CCND3: variants seen among roughly 807,000 people sequenced by gnomAD.
The protein encoded by CCND3 is cyclin D3, also known as G1/S-specific cyclin-D3.
A neutral mutation model predicts 28.7 loss-of-function variants in CCND3; 9 were observed. The observed-to-expected ratio is 0.31, with a 90% CI of 0.19 to 0.55. CCND3 has a LOEUF of 0.55. CCND3 is among the 20% of genes least tolerant of loss of function. The pLI is 0.93. For synonymous variants in CCND3, 164 were observed against 163.9 expected, an observed-to-expected ratio of 1.00 and a Z score of 0.00; for missense variants, 315 against 385.8, an observed-to-expected ratio of 0.82 and a Z score of 1.54.
intron 1 of CCND3, among the ~76,000 whole-genome samples, chr6:41,994,490 A>G (rs1762739185): frequency 6.6e-6 from 1 of 152,186 alleles, no homozygotes; most frequent in East Asian, 1.9e-4. Flanking sequence ...AAACAAACAG[A>G]GCACAGAGGA....
intron 1 of CCND3, among the ~76,000 whole-genome samples, chr6:42,046,751 G>C (rs771279596): frequency 1.3e-5 from 2 of 152,114 alleles, no homozygotes; most frequent in African/African-American, 4.8e-5. Flanking sequence ...AACAGTACCA[G>C]CCCTATGGCT....
chr6:42,021,015 G>C (rs907150015), intron 1 of CCND3, among the ~76,000 whole-genome samples: 1 of 152,178 alleles, frequency 6.6e-6, no homozygotes, highest in Non-Finnish European at 1.5e-5. Context: ...GCTTCCCAAA[G>C]TGCTGGGATT....
At chr6:42,040,266 A>C (rs1764331229) in intron 1 of CCND3, among the ~76,000 whole-genome samples, 1 of 151,998 alleles carries the variant, frequency 6.6e-6, no homozygotes, top group South Asian at 2.1e-4. Flanking sequence ...AAAAATACAA[A>C]AATTAGCTGG....
At chr6:42,007,992 G>GC (rs1369769037) in intron 1 of CCND3, among the ~76,000 whole-genome samples, 1 of 152,092 alleles carries the variant, frequency 6.6e-6, no homozygotes. Flanking sequence ...TGGCGGGGGA[G>GC]CTGGGGGCTG....
intron 1 of CCND3, among the ~76,000 whole-genome samples, chr6:41,983,946 C>A (rs1309501643): frequency 1.3e-5 from 2 of 152,124 alleles, no homozygotes; most frequent in Non-Finnish European, 2.9e-5. Flanking sequence ...ACCAACATTC[C>A]CCATTCTCCC....
chr6:42,013,245 T>C (rs1218973040), intron 1 of CCND3, among the ~76,000 whole-genome samples: 1 of 152,154 alleles, frequency 6.6e-6, no homozygotes, highest in Non-Finnish European at 1.5e-5. Flanking sequence ...TAAGGTAGAG[T>C]TGGGCTTTTT....
rs1775815039 is a variant in CCND3 at position 41,936,778 on chromosome 6, G to A, written c.575-83C>T. ...ATGGACTTCCGACTCCTTGGAAAGT[G>A]CCAGGCAGCATGAGTAGAGCAGAGG... On this transcript the variant is annotated intron_variant, in intron 3 of 4. Transcript: ENST00000372991. The surrounding 1 kb of genome is among the most constrained non-coding windows in gnomAD (Gnocchi z 4.4). 2 of 1,467,826 alleles carry A rather than the reference G, an allele frequency of 1.4e-6. No homozygotes were observed. The highest frequency in any genetic ancestry group is 2.3e-5 in the East Asian group (1 of 43,674). 90.9% of individuals were successfully genotyped at this position (1,467,826 alleles called of 1,614,324 possible). A position where few individuals can be genotyped will look rare whatever the true frequency, so the allele number is the denominator to read the frequency against.
upstream of CCND3, chr6:42,049,939 A>G (rs1418262704): frequency 6.6e-6 from 1 of 152,268 alleles, no homozygotes; most frequent in Non-Finnish European, 1.5e-5. Context: ...AAGTTTGGAA[A>G]ACCCTGCGAG....
At chr6:41,952,367 C>T (rs375489416) in intron 1 of CCND3, among the ~76,000 whole-genome samples, 8 of 152,242 alleles carry the variant, frequency 5.3e-5, no homozygotes, top group South Asian at 4.1e-4. Flanking sequence ...GTGAAGACTG[C>T]GTTATTGTTA....
intron 1 of CCND3, among the ~76,000 whole-genome samples, chr6:42,034,647 G>A (rs952968276): frequency 6.6e-6 from 1 of 151,054 alleles, no homozygotes; most frequent in Non-Finnish European, 1.5e-5. Context: ...CCGGTTATCT[G>A]TGTGTGTATT....
chr6:41,997,968 C>T (rs1029631839), intron 1 of CCND3, among the ~76,000 whole-genome samples: 8 of 105,980 alleles, frequency 7.5e-5, no homozygotes, highest in Non-Finnish European at 1.5e-4. Context: ...TGGCAAAACC[C>T]AGTATCTACT....
intron 1 of CCND3, among the ~76,000 whole-genome samples, chr6:42,003,525 CAAAAAA>C (rs61494473): frequency 5.6e-4 from 41 of 73,352 alleles, no homozygotes; most frequent in African/African-American, 1.4e-3. Flanking sequence ...GACTCTGTCT[CAAAAAA>C]AAAAAAAAAA....
intron 1 of CCND3, among the ~76,000 whole-genome samples, chr6:42,039,677 G>A (rs1406732294): frequency 6.6e-6 from 1 of 152,254 alleles, no homozygotes; most frequent in East Asian, 1.9e-4. Flanking sequence ...CAGTTGGGGT[G>A]GCTGTGGTTG....
intron 1 of CCND3, among the ~76,000 whole-genome samples, chr6:41,984,820 G>A (rs9357375): frequency 0.99 from 150,844 of 152,310 alleles, 74,707 homozygotes; most frequent in Middle Eastern, 1. Context: ...GGTGTGAGGC[G>A]ATACCTCATT....
At chr6:42,044,046 C>T (rs1484462665) in intron 1 of CCND3, among the ~76,000 whole-genome samples, 1 of 152,344 alleles carries the variant, frequency 6.6e-6, no homozygotes, top group Admixed American at 6.5e-5. Flanking sequence ...CTCGCAGGGC[C>T]GTCGGTCCTG....
At position 42,048,557 on chromosome 6, in the gene CCND3, G is replaced by T; in HGVS notation, c.-102C>A. On this transcript the variant is annotated 5_prime_UTR_variant, in exon 1 of 5. Transcript: ENST00000372988. The surrounding 1 kb of genome is among the most constrained non-coding windows in gnomAD (Gnocchi z 4.7). ...ACTGGGGTCGCAGGCGCTCTGTCCC[G>T]CCGCCTCCGGAGCCTGCCTTTGGGG... 1.9e-6 allele frequency: 1 copy of T among 513,540 alleles called. No homozygotes were observed. Among genetic ancestry groups the T allele is most frequent in the Non-Finnish European group, 3.9e-6 (1 of 257,742 alleles). The allele number at this position is 513,540 out of a possible 1,614,324, so 31.8% of individuals were successfully genotyped here.
upstream of CCND3, among the ~76,000 whole-genome samples, chr6:41,946,595 CAAAAAAAA>C (rs35369019): frequency 6.7e-4 from 14 of 20,930 alleles, no homozygotes; most frequent in African/African-American, 9.1e-4. Flanking sequence ...AGACCTGTCT[CAAAAAAAA>C]AAAAAAAAAA....
In CCND3 at chr6:41,937,324, G is replaced by T. The variant is rs1365023180; in HGVS notation, c.485C>A (p.Ala162Asp). Residue 162 changes from alanine (A) to aspartate (D), a missense_variant, in exon 3 of 5, where the codon GCC becomes GAC. By Grantham distance (126) the Ala-to-Asp change is moderately radical. Coordinates refer to ENST00000372991, the MANE Select transcript of CCND3 (RefSeq NM_001760.5). ...CAGAGAGAGCCGGTGCAGAATGAAG[G>T]CCAGGAAATCATGTGCAATCACAGC... ...LAAVIAHDFL[A>D]FILHRLSLPR... is the part of the protein sequence containing the mutation. 6.2e-7 allele frequency: 1 copy of T among 1,614,146 alleles called. No homozygotes were observed. The highest frequency in any genetic ancestry group is 2.2e-5 in the East Asian group (1 of 44,884).
intron 1 of CCND3, among the ~76,000 whole-genome samples, chr6:42,036,146 T>A (rs1043993039): frequency 6.6e-6 from 1 of 150,820 alleles, no homozygotes; most frequent in African/African-American, 2.4e-5. Flanking sequence ...GCATGTGCCA[T>A]CATGCCCAGC....
Sources: allele counts gnomAD v4.1 joint callset (sites outside exome capture counted in the v4.1 genomes callset), GRCh38; gene constraint gnomAD v4.1.1; non-coding constraint Gnocchi (gnomAD v3.1); transcripts MANE v1.5; gene names NCBI Gene and HGNC (gene_info 2026-07-23, HGNC 2026-07-21).